Variants in NDST4 observed in about 807,000 individuals in gnomAD.
The protein encoded by NDST4 is N-heparan sulfate sulfotransferase 4.
In NDST4, 63 loss-of-function variants were observed where a neutral mutation model predicts 100.8. That is an observed-to-expected ratio of 0.62 (90% CI 0.51 to 0.77). NDST4 has a LOEUF of 0.77. NDST4 is among the 30% of genes least tolerant of loss of function. The probability of loss-of-function intolerance (pLI) is 0.00; values close to 1 mark genes in which losing one functional copy is unlikely to be tolerated. For synonymous variants in NDST4, 377 were observed against 361.8 expected, an observed-to-expected ratio of 1.04 and a Z score of -0.48; for missense variants, 943 against 1,018.4, an observed-to-expected ratio of 0.93 and a Z score of 1.01.
chr4:114,884,644 T>C (rs1004793968), intron 6 of NDST4, among the ~76,000 whole-genome samples: 2 of 152,152 alleles, frequency 1.3e-5, no homozygotes, highest in Non-Finnish European at 2.9e-5. Context: ...CATCAATATT[T>C]TCTTATAATG....
chr4:115,022,289 CATAT>C (rs1281643958), intron 2 of NDST4, among the ~76,000 whole-genome samples: 6 of 151,682 alleles, frequency 4.0e-5, no homozygotes, highest in Non-Finnish European at 7.4e-5. Context: ...GCACGTTCCA[CATAT>C]ATATATGTTC....
chr4:114,916,270 T>C (rs888766845), intron 6 of NDST4, among the ~76,000 whole-genome samples: 4 of 152,260 alleles, frequency 2.6e-5, no homozygotes, highest in African/African-American at 9.6e-5. Flanking sequence ...CTGAGTATCA[T>C]GCCATTCCCT....
chr4:114,970,417 A>T lies in NDST4; in HGVS notation c.1221+13T>A. On this transcript the variant is annotated intron_variant, in intron 4 of 13. Coordinates refer to ENST00000264363, the MANE Select transcript of NDST4 (RefSeq NM_022569.3). ...CTTATAGTTCAAAAGATACCACAAT[A>T]AAATGTGCTCACCAGTGCAAATTCC... 1 of 1,605,764 alleles carries T rather than the reference A, an allele frequency of 6.2e-7. No homozygotes were observed. The highest frequency in any genetic ancestry group is 8.5e-7 in the Non-Finnish European group (1 of 1,174,692).
chr4:114,900,109 A>G (rs1248955803), intron 6 of NDST4, among the ~76,000 whole-genome samples: 1 of 152,168 alleles, frequency 6.6e-6, no homozygotes, highest in Non-Finnish European at 1.5e-5. Flanking sequence ...GTTATCAAAT[A>G]TGTAGACATG....
chr4:114,890,482 T>TC (rs1724570229), intron 6 of NDST4, among the ~76,000 whole-genome samples: 1 of 152,104 alleles, frequency 6.6e-6, no homozygotes, highest in Admixed American at 6.6e-5. Flanking sequence ...CACCTTTTTT[T>TC]CTCATGTCAT....
At chr4:115,105,890 G>A (rs1729823837) in intron 1 of NDST4, among the ~76,000 whole-genome samples, 1 of 152,010 alleles carries the variant, frequency 6.6e-6, no homozygotes, top group African/African-American at 2.4e-5. Flanking sequence ...CTCCCTTTTA[G>A]CTTTTTTCCT....
At chr4:114,910,216 TA>T (rs536031606) in intron 6 of NDST4, among the ~76,000 whole-genome samples, 3 of 152,104 alleles carry the variant, frequency 2.0e-5, no homozygotes, top group Non-Finnish European at 4.4e-5. Flanking sequence ...GATGAAGGAA[TA>T]GGGGGAAAAT....
chr4:114,992,659 T>G (rs913780331), intron 2 of NDST4, among the ~76,000 whole-genome samples: 1 of 151,804 alleles, frequency 6.6e-6, no homozygotes, highest in Non-Finnish European at 1.5e-5. Context: ...CTGTGGATAC[T>G]ATGCATAATC....
At chr4:115,078,870 A>G (rs1729244729) in intron 1 of NDST4, among the ~76,000 whole-genome samples, 1 of 151,898 alleles carries the variant, frequency 6.6e-6, no homozygotes, top group Admixed American at 6.6e-5. Context: ...AAAAAAAGTG[A>G]CCTGGATGCT....
intron 2 of NDST4, among the ~76,000 whole-genome samples, chr4:115,047,679 G>T (rs1306182617): frequency 6.6e-6 from 1 of 152,028 alleles, no homozygotes; most frequent in African/African-American, 2.4e-5. Flanking sequence ...TGATTTGGGT[G>T]GTAAGTTGAC....
intron 1 of NDST4, among the ~76,000 whole-genome samples, chr4:115,099,997 T>C (rs374817512): frequency 6.6e-6 from 1 of 152,074 alleles, no homozygotes; most frequent in African/African-American, 2.4e-5. Flanking sequence ...AAATGATCTA[T>C]CAAGCCACAG....
At chr4:115,047,994 T>C (rs1728501126) in intron 2 of NDST4, among the ~76,000 whole-genome samples, 2 of 152,140 alleles carry the variant, frequency 1.3e-5, no homozygotes, top group South Asian at 4.1e-4. Context: ...GTGTCGTTAT[T>C]TGATAAGTAT....
chr4:115,095,941 C>T (rs1387320422), intron 1 of NDST4, among the ~76,000 whole-genome samples: 1 of 151,894 alleles, frequency 6.6e-6, no homozygotes, highest in East Asian at 1.9e-4. Flanking sequence ...CCTGTTAATC[C>T]AACATCAACA....
intron 2 of NDST4, among the ~76,000 whole-genome samples, chr4:115,037,426 T>C (rs1471499): frequency 0.093 from 14,219 of 152,176 alleles, 2,025 homozygotes; most frequent in African/African-American, 0.31. Context: ...AAGTTAAGTA[T>C]ATAAACTCAA....
chr4:114,834,369 C>T (rs1278939474), intron 11 of NDST4, among the ~76,000 whole-genome samples: 2 of 151,998 alleles, frequency 1.3e-5, no homozygotes, highest in Non-Finnish European at 2.9e-5. Context: ...CAAAAATTAG[C>T]CAGTCATGGT....
chr4:115,030,199 GA>G (rs908035517), intron 2 of NDST4, among the ~76,000 whole-genome samples: 2 of 152,070 alleles, frequency 1.3e-5, no homozygotes, highest in African/African-American at 4.8e-5. Context: ...TTAGGTTTGT[GA>G]AAATATTCTG....
chr4:114,950,696 T>C (rs1158182533), intron 4 of NDST4, among the ~76,000 whole-genome samples: 3 of 152,078 alleles, frequency 2.0e-5, no homozygotes, highest in Non-Finnish European at 4.4e-5. Flanking sequence ...TCTTGTGCTC[T>C]TTCTGCTACT....
At chr4:114,870,995 G>C in intron 6 of NDST4, 45 bp from the exon 7 acceptor site, 1 of 1,508,560 alleles carries the variant, frequency 6.6e-7, no homozygotes. Flanking sequence ...ATATGCTTAA[G>C]CTTAAAAGTA....
chr4:114,909,714 T>G (rs1024629470), intron 6 of NDST4, among the ~76,000 whole-genome samples: 2 of 150,912 alleles, frequency 1.3e-5, no homozygotes, highest in Non-Finnish European at 3.0e-5. Flanking sequence ...TAATATAGAT[T>G]AATTCAATGG....
Sources: gnomAD v4.1 joint callset for allele counts (sites outside exome capture counted in the v4.1 genomes callset) on GRCh38, gnomAD v4.1.1 for gene constraint, MANE v1.5 for transcripts, NCBI Gene and HGNC (gene_info 2026-07-23, HGNC 2026-07-21) for gene names.